DSPP: variants seen among roughly 807,000 people sequenced by gnomAD.
DSPP encodes dentin sialophosphoprotein, also known as deafness, autosomal dominant 39.
A neutral mutation model predicts 29.1 loss-of-function variants in DSPP; 28 were observed. That is an observed-to-expected ratio of 0.96 (90% CI 0.71 to 1.32). The LOEUF (loss-of-function observed/expected upper bound fraction) is 1.32, where lower values mean the gene tolerates loss of function less well. Among genes scored for constraint, DSPP ranks in the 40% most tolerant of loss-of-function variants. The pLI is 0.00. For synonymous variants in DSPP, 481 were observed against 503.4 expected (o/e 0.96, Z 0.60); for missense variants, 1,281 against 1,629.9 (o/e 0.79, Z 3.69).
chr4:87,612,022 T>C, intron 2 of DSPP, 83 bp from the exon 3 acceptor site: 1 of 1,200,378 alleles, frequency 8.3e-7, no homozygotes, highest in Non-Finnish European at 1.2e-6. Flanking sequence ...TGTGTGTGTG[T>C]GTGTGTGTGT....
chr4:87,611,557 C>A (rs1468146793), intron 2 of DSPP, among the ~76,000 whole-genome samples: 2 of 152,128 alleles, frequency 1.3e-5, no homozygotes, highest in Non-Finnish European at 2.9e-5. Context: ...TCATGTTTAA[C>A]ATTTTCATAT....
At position 87,616,652 on chromosome 4, in the gene DSPP, A is replaced by G. The variant is rs1727963780; in HGVS notation, c.*84A>G. On this transcript the variant is annotated 3_prime_UTR_variant, in exon 5 of 5. Transcript: ENST00000651931. ...AAAAGATTTCCAAGAAAGTAAAGAA[A>G]GGGGAGAAATAAACATAAGACGTAT... 2 of 1,545,188 alleles carry G rather than the reference A, an allele frequency of 1.3e-6. No homozygotes were observed. Among genetic ancestry groups the G allele is most frequent in the Admixed American group, 3.9e-5 (2 of 50,822 alleles).
Position 87,615,054 on chromosome 4 carries a change from A to C in DSPP, c.2392A>C (p.Ser798Arg). The C allele has an allele frequency of 6.4e-7, 1 of 1,550,626 alleles. No individual in the cohort carries two copies. Among genetic ancestry groups the C allele is most frequent in the Non-Finnish European group, 8.7e-7 (1 of 1,146,424 alleles). ...CAATAGCAGTGACAGCAGTGATAGC[A>C]GCAACAGCAGTGATAGCAGCAACAG... ...SSNSSDSSDS[S>R]NSSDSSNSSD... Residue 798 changes from serine to arginine, a missense_variant, in exon 5 of 5, where the codon AGC becomes CGC. Around this residue, in one of 4 missense-constraint regions of DSPP, gnomAD observed 444 missense variants for 611.4 expected, o/e 0.73. Transcript: ENST00000651931.
Position 87,613,121 on chromosome 4 carries a change from A to G in DSPP, c.935A>G (p.Asp312Gly). The change falls in exon 4 of 5, where the codon GAT (aspartate) becomes GGT (glycine). Residue 312 changes from aspartate to glycine, a missense_variant. Asp to Gly is a moderately conservative substitution (Grantham distance 94). Coordinates refer to ENST00000651931, the MANE Select transcript of DSPP (RefSeq NM_014208.3). Reference sequence around the variant, plus strand: ...TATTATGACCCTGAAGGCAAAGAAGATCCCCATAATGAAGTTGATGGAGAC... The same window carrying G: ...TATTATGACCCTGAAGGCAAAGAAGGTCCCCATAATGAAGTTGATGGAGAC... ...KEYYDPEGKE[D>G]PHNEVDGDKT... is the part of the protein sequence containing the mutation. 3 of 1,614,194 alleles carry G rather than the reference A, an allele frequency of 1.9e-6. No individual in the cohort carries two copies. The highest frequency in any genetic ancestry group is 2.5e-6 in the Non-Finnish European group (3 of 1,180,042).
At chr4:87,611,014 C>A in intron 2 of DSPP, 55 bp downstream of exon 2, 1 of 1,431,258 alleles carries the variant, frequency 7.0e-7, no homozygotes, top group Non-Finnish European at 9.8e-7. Flanking sequence ...TTTAACCTAA[C>A]ATTAATACAA....
At position 87,613,722 on chromosome 4, in the gene DSPP, G is replaced by A. The variant is rs903319138; in HGVS notation, c.1123-63G>A. The A allele has an allele frequency of 5.0e-6, 8 of 1,611,562 alleles. No homozygotes were observed. The African/African-American group carries it at 9.3e-5, about 19-fold the overall frequency. Reference sequence around the variant, plus strand: ...AACTTTTCCCAGTTATTCTTCCTCAGATCAATGCAATTTTGCAGCAAATAT... The same window carrying A: ...AACTTTTCCCAGTTATTCTTCCTCAAATCAATGCAATTTTGCAGCAAATAT... On this transcript the variant is annotated intron_variant, in intron 4 of 4. Transcript: ENST00000651931.
Position 87,614,104 on chromosome 4 carries a change from G to C in DSPP, c.1442G>C (p.Ser481Thr). The change falls in exon 5 of 5, where the codon AGT becomes ACT. Residue 481 changes from serine to threonine, a missense_variant. By Grantham distance (58) the Ser-to-Thr change is moderately conservative (BLOSUM62 1). Around this residue, in one of 4 missense-constraint regions of DSPP, gnomAD observed 631 missense variants for 643.2 expected, o/e 0.98. Coordinates refer to ENST00000651931, the MANE Select transcript of DSPP (RefSeq NM_014208.3). ...SNGNDDANSE[S>T]DNNSSSRGDA... is the part of the protein sequence containing the mutation. Reference sequence around the variant, plus strand: ...GGCAATGATGATGCTAATTCAGAAAGTGACAATAACAGCAGTAGCCGAGGA... The same window carrying C: ...GGCAATGATGATGCTAATTCAGAAACTGACAATAACAGCAGTAGCCGAGGA... 1 of 1,614,236 alleles carries C rather than the reference G, an allele frequency of 6.2e-7. No individual in the cohort carries two copies. Among genetic ancestry groups the C allele is most frequent in the Non-Finnish European group, 8.5e-7 (1 of 1,180,052 alleles).
intron 2 of DSPP, among the ~76,000 whole-genome samples, chr4:87,611,308 T>C (rs564662378): frequency 8.5e-5 from 13 of 152,286 alleles, no homozygotes; most frequent in African/African-American, 3.1e-4. Context: ...CATGGAGACT[T>C]TGTCCATCTT....
rs764816083 is a variant in DSPP, at chr4:87,613,788, A to G, written c.1126A>G (p.Ile376Val). 1.9e-5 allele frequency: 30 copies of G among 1,614,192 alleles called. No homozygotes were observed. The Admixed American group carries it at 5.0e-4, about 27-fold the overall frequency. The change falls in exon 5 of 5, where the codon ATA becomes GTA. Residue 376 changes from isoleucine to valine, a missense_variant. Around this residue, in one of 4 missense-constraint regions of DSPP, gnomAD observed 631 missense variants for 643.2 expected, o/e 0.98. Coordinates refer to ENST00000651931, the MANE Select transcript of DSPP (RefSeq NM_014208.3). The stretch of plus-strand genomic sequence containing the variant: ...TCTTTCCTCCATCCTTCCATAGGGA[A>G]TAGAAATCAAGGGTCCCAGCAGTGG... ...HAVGKSQDKG[I>V]EIKGPSSGNR...
At position 87,616,289 on chromosome 4, in the gene DSPP, C is replaced by T. The variant is rs750049361; in HGVS notation, c.3627C>T (p.Asp1209=). 516 of 1,373,614 alleles carry T rather than the reference C, an allele frequency of 3.8e-4. 7 individuals carry two copies. In the African/African-American group the frequency reaches 8.1e-3, roughly 22 times the overall value. 85.1% of individuals were successfully genotyped at this position (1,373,614 alleles called of 1,614,324 possible). A position where few individuals can be genotyped will look rare whatever the true frequency, so the allele number is the denominator to read the frequency against. Residue 1209 remains aspartate, a synonymous_variant, in exon 5 of 5, where the codon GAC becomes GAT. Coordinates refer to ENST00000651931, the MANE Select transcript of DSPP (RefSeq NM_014208.3). ...SDSSDSSDSS[D]SSDSSDSSDS... Reference sequence around the variant, plus strand: ...GCAGCGATAGTAGTGATAGCAGTGACAGCAGTGACAGCAGCGACAGCAGTG... The same window carrying T: ...GCAGCGATAGTAGTGATAGCAGTGATAGCAGTGACAGCAGCGACAGCAGTG...
At position 87,615,403 on chromosome 4, in the gene DSPP, G is replaced by A. The variant is rs1727864073; in HGVS notation, c.2741G>A (p.Ser914Asn). 3 of 1,533,110 alleles carry A rather than the reference G, an allele frequency of 2.0e-6. No individual in the cohort carries two copies. Among genetic ancestry groups the A allele is most frequent in the Non-Finnish European group, 2.6e-6 (3 of 1,137,420 alleles). The allele number at this position is 1,533,110 out of a possible 1,614,324, so 95.0% of individuals were successfully genotyped here. The change falls in exon 5 of 5, where the codon AGC becomes AAC. Residue 914 changes from serine (S) to asparagine (N), a missense_variant. This residue lies in a region of DSPP where 444 missense variants were observed against 611.4 expected (regional missense o/e 0.73). Transcript: ENST00000651931. ...AGTGATAGCAGCAACAGCAGTGACAGCAGTGATAGCAGCAACAGCAGTGAT... is the reference window on the plus strand; with the variant it reads ...AGTGATAGCAGCAACAGCAGTGACAACAGTGATAGCAGCAACAGCAGTGAT... ...DSSDSSNSSD[S>N]SDSSNSSDSS...
rs1195356962 is a variant in DSPP at position 87,614,745 on chromosome 4, A to G, written c.2083A>G (p.Ser695Gly). 6.5e-7 allele frequency: 1 copy of G among 1,549,430 alleles called. No individual in the cohort carries two copies. The highest frequency in any genetic ancestry group is 8.7e-7 in the Non-Finnish European group (1 of 1,145,556). Residue 695 changes from serine (S) to glycine (G), a missense_variant, in exon 5 of 5, where the codon AGC (serine) becomes GGC (glycine). Transcript: ENST00000651931. ...NSSDSSDSSD[S>G]SNSSESSDSS... ...CAGTGATAGTAGTGACAGTAGTGAC[A>G]GCAGCAATAGCAGTGAGAGCAGTGA... is the stretch of plus-strand genomic sequence containing the variant.
chr4:87,613,125 C>A lies in DSPP; in HGVS notation c.939C>A (p.Pro313=), dbSNP rs1162379491. 6.2e-7 allele frequency: 1 copy of A among 1,613,978 alleles called. No individual in the cohort carries two copies. Among genetic ancestry groups the A allele is most frequent in the South Asian group, 1.1e-5 (1 of 91,040 alleles). The change falls in exon 4 of 5, where the codon CCC becomes CCA. Residue 313 remains proline (P), a synonymous_variant. Transcript: ENST00000651931. ...ATGACCCTGAAGGCAAAGAAGATCC[C>A]CATAATGAAGTTGATGGAGACAAGA... is the stretch of plus-strand genomic sequence containing the variant. ...EYYDPEGKED[P]HNEVDGDKTS...
Position 87,613,937 on chromosome 4 carries a change from A to T in DSPP, c.1275A>T (p.Gly425=). 1 of 1,614,210 alleles carries T rather than the reference A, an allele frequency of 6.2e-7. No homozygotes were observed. The highest frequency in any genetic ancestry group is 1.1e-5 in the South Asian group (1 of 91,084). ...AAGGAGAGGTTGTCAACATAGAAGG[A>T]CCTGGCCAAAAATCAGAACCAGGAA... ...KTQGEVVNIE[G]PGQKSEPGNK... is the part of the protein sequence containing the mutation. Residue 425 remains glycine (G), a synonymous_variant, in exon 5 of 5, where the codon GGA becomes GGT. Coordinates refer to ENST00000651931, the MANE Select transcript of DSPP (RefSeq NM_014208.3).
chr4:87,615,924 AG>A lies in DSPP; in HGVS notation c.3263del (p.Ser1088MetfsTer226). 3.9e-6 allele frequency: 1 copy of A among 255,288 alleles called. No homozygotes were observed. The highest frequency in any genetic ancestry group is 4.4e-5 in the South Asian group (1 of 22,578). The allele number at this position is 255,288 out of a possible 1,614,324, so 15.8% of individuals were successfully genotyped here. A position where few individuals can be genotyped will look rare whatever the true frequency, so the allele number is the denominator to read the frequency against. Reference sequence around the variant, plus strand: ...TGATAGCAGTGAAAGCAGTGATAGCAGTGACAGCAGCAATAGCAGTGACAGC... The same window carrying A: ...TGATAGCAGTGAAAGCAGTGATAGCATGACAGCAGCAATAGCAGTGACAGC... ...SSDSSESSDS[S>X]DSSNSSDSSD... On this transcript the variant is annotated frameshift_variant, in exon 5 of 5. Coordinates refer to ENST00000651931, the MANE Select transcript of DSPP (RefSeq NM_014208.3). LOFTEE classifies it low-confidence loss of function (END_TRUNC).
rs1257918433 is a variant in DSPP at position 87,614,258 on chromosome 4, T to A, written c.1596T>A (p.Asn532Lys). The change falls in exon 5 of 5, where the codon AAT becomes AAA. Residue 532 changes from asparagine to lysine, a missense_variant. Physicochemically the swap from Asn to Lys is moderately conservative, Grantham distance 94 (BLOSUM62 0). Transcript: ENST00000651931. Reference protein sequence around the residue: ...NNSDSNGNGNNGNDDNDKSDS... With the variant: ...NNSDSNGNGNKGNDDNDKSDS... Reference sequence around the variant, plus strand: ...GTGACAGTAATGGCAATGGTAACAATGGGAATGATGACAATGACAAATCAG... The same window carrying A: ...GTGACAGTAATGGCAATGGTAACAAAGGGAATGATGACAATGACAAATCAG... The A allele has an allele frequency of 1.9e-6, 3 of 1,614,036 alleles. No homozygotes were observed. The highest frequency in any genetic ancestry group is 3.3e-5 in the Admixed American group (2 of 60,008).
intron 1 of DSPP, among the ~76,000 whole-genome samples, chr4:87,610,630 C>T (rs115814295): frequency 1.3e-5 from 2 of 152,176 alleles, no homozygotes; most frequent in African/African-American, 2.4e-5. Context: ...ACAGCTATGC[C>T]CTTTGTACCT....
At position 87,615,918 on chromosome 4, in the gene DSPP, G is replaced by C; in HGVS notation, c.3256G>C (p.Asp1086His). The C allele has an allele frequency of 9.8e-7, 1 of 1,020,516 alleles. No individual in the cohort carries two copies. The allele number at this position is 1,020,516 out of a possible 1,614,324, so 63.2% of individuals were successfully genotyped here. The change falls in exon 5 of 5, where the codon GAT becomes CAT. Residue 1086 changes from aspartate to histidine, a missense_variant. Coordinates refer to ENST00000651931, the MANE Select transcript of DSPP (RefSeq NM_014208.3). Reference sequence around the variant, plus strand: ...CAGCAGTGATAGCAGTGAAAGCAGTGATAGCAGTGACAGCAGCAATAGCAG... The same window carrying C: ...CAGCAGTGATAGCAGTGAAAGCAGTCATAGCAGTGACAGCAGCAATAGCAG... ...SDSSDSSESS[D>H]SSDSSNSSDS... is the part of the protein sequence containing the mutation.
At position 87,612,238 on chromosome 4, in the gene DSPP, A is replaced by G. The variant is rs375217534; in HGVS notation, c.135+50A>G. The G allele has an allele frequency of 5.6e-6, 9 of 1,612,264 alleles. No homozygotes were observed. In the African/African-American group the frequency reaches 9.3e-5, roughly 17 times the overall value. On this transcript the variant is annotated intron_variant, in intron 3 of 4. Coordinates refer to ENST00000651931, the MANE Select transcript of DSPP (RefSeq NM_014208.3). ...TTATTTCCTATTTCTGAGTTGCTAC[A>G]TTCCATTAACTTCTCCAAGATTGCA...
Sources: allele counts gnomAD v4.1 joint callset (sites outside exome capture counted in the v4.1 genomes callset), GRCh38; gene constraint gnomAD v4.1.1; regional missense constraint gnomAD v4.1.1; transcripts MANE v1.5; gene names NCBI Gene and HGNC (gene_info 2026-07-23, HGNC 2026-07-21).